Variants in NFATC3 observed in about 807,000 individuals in gnomAD.
NFATC3 encodes the protein nuclear factor of activated T-cells, cytoplasmic 3.
In NFATC3, 46 loss-of-function variants were observed where a neutral mutation model predicts 98.6. The ratio of observed to expected loss-of-function variants is 0.47; its 90% CI spans 0.37 to 0.60. The LOEUF is 0.60. Ranked by LOEUF, NFATC3 falls within the 20% of genes least tolerant of loss-of-function variation. NFATC3 has a pLI of 0.00. For synonymous variants in NFATC3, 512 were observed against 472.2 expected (o/e 1.08, Z -1.09); for missense variants, 1,256 against 1,295.5 (o/e 0.97, Z 0.47).
intron 8 of NFATC3, among the ~76,000 whole-genome samples, chr16:68,185,756 G>A (rs1276110680): frequency 5.9e-5 from 9 of 151,682 alleles, no homozygotes; most frequent in African/African-American, 1.2e-4. Flanking sequence ...CTAGCTACTC[G>A]GGAGGCTGAG....
At chr16:68,148,116 A>G (rs1016452900) in intron 3 of NFATC3, among the ~76,000 whole-genome samples, 1 of 152,042 alleles carries the variant, frequency 6.6e-6, no homozygotes, top group Admixed American at 6.6e-5. Context: ...CCTGGGTTCA[A>G]GCGATTCTCC....
chr16:68,097,988 T>C (rs1002019560), intron 1 of NFATC3, among the ~76,000 whole-genome samples: 2 of 152,124 alleles, frequency 1.3e-5, no homozygotes, highest in African/African-American at 4.8e-5. Flanking sequence ...GCTGACTTCT[T>C]GTCATTGCTA....
intron 3 of NFATC3, among the ~76,000 whole-genome samples, chr16:68,152,909 A>C (rs59919561): frequency 6.6e-6 from 1 of 152,224 alleles, no homozygotes. Flanking sequence ...ATCACTTCAC[A>C]CTACCGCTCA....
chr16:68,150,768 G>C (rs746834644), intron 3 of NFATC3, among the ~76,000 whole-genome samples: 40 of 152,208 alleles, frequency 2.6e-4, no homozygotes, highest in South Asian at 1.2e-3. Context: ...GGAGAGGCCA[G>C]ATGGGGGTAA....
chr16:68,085,826 C>T (rs1404927802), intron 1 of NFATC3, 42 bp downstream of exon 1: 1 of 1,353,954 alleles, frequency 7.4e-7, no homozygotes, highest in Non-Finnish European at 9.6e-7. Flanking sequence ...GACCCCGCTT[C>T]TCGCTCGCAG....
At position 68,174,412 on chromosome 16, in the gene NFATC3, T is replaced by C. The variant is rs761370635; in HGVS notation, c.1813T>C (p.Tyr605His). The change falls in exon 6 of 10, where the codon TAC (tyrosine) becomes CAC (histidine). Residue 605 changes from tyrosine to histidine, a missense_variant. Coordinates refer to ENST00000346183, the MANE Select transcript of NFATC3 (RefSeq NM_173165.3). ...TCAAGAACTTCCTCATATTGAGAAG[T>C]ACAGTATCAACAGTTGTTCTGTAAA... The part of the protein sequence containing the change: ...SAQELPHIEK[Y>H]SINSCSVNGG... The C allele has an allele frequency of 8.1e-6, 13 of 1,595,780 alleles. No homozygotes were observed. Among genetic ancestry groups the C allele is most frequent in the Non-Finnish European group, 1.1e-5 (13 of 1,171,620 alleles).
chr16:68,221,095 A>C, intron 9 of NFATC3: 1 of 1,320,720 alleles, frequency 7.6e-7, no homozygotes, highest in Non-Finnish European at 1.1e-6. Context: ...TATCCATTCA[A>C]GATGACTTGA....
At chr16:68,102,614 G>T (rs2035436056) in intron 1 of NFATC3, among the ~76,000 whole-genome samples, 1 of 151,922 alleles carries the variant, frequency 6.6e-6, no homozygotes, top group Non-Finnish European at 1.5e-5. Context: ...TGTCCTTTGT[G>T]TTCTGATTTT....
intron 9 of NFATC3, among the ~76,000 whole-genome samples, chr16:68,208,788 A>G (rs1256692256): frequency 6.6e-6 from 1 of 151,436 alleles, no homozygotes; most frequent in Non-Finnish European, 1.5e-5. Context: ...CTTTCATTCC[A>G]AGTATATAGA....
At chr16:68,183,445 A>G (rs2040029111) in intron 8 of NFATC3, 79 bp downstream of exon 8, 3 of 1,520,822 alleles carry the variant, frequency 2.0e-6, no homozygotes, top group East Asian at 2.3e-5. Flanking sequence ...CCTATATTAC[A>G]GTGTTTAAGG....
chr16:68,161,642 C>A (rs1432200270), intron 4 of NFATC3, among the ~76,000 whole-genome samples: 4 of 152,180 alleles, frequency 2.6e-5, no homozygotes, highest in Non-Finnish European at 4.4e-5. Flanking sequence ...TTTGCCTTGG[C>A]TTCCAGAACT....
At chr16:68,126,692 A>G in intron 3 of NFATC3, 82 bp downstream of exon 3, 12 of 1,381,300 alleles carry the variant, frequency 8.7e-6, no homozygotes, top group Admixed American at 2.1e-5. Context: ...GGTACTAGAG[A>G]GTGCAAAGAG....
intron 3 of NFATC3, among the ~76,000 whole-genome samples, chr16:68,135,444 C>T (rs1366897665): frequency 5.4e-5 from 6 of 111,836 alleles, no homozygotes; most frequent in South Asian, 5.9e-4. Context: ...GGGGACACAG[C>T]GAGACTCCGT....
chr16:68,112,109 C>G (rs1457784359), intron 1 of NFATC3, among the ~76,000 whole-genome samples: 1 of 151,974 alleles, frequency 6.6e-6, no homozygotes, highest in East Asian at 1.9e-4. Flanking sequence ...TTGATCTTCT[C>G]ATGGAGTATC....
chr16:68,190,316 G>C (rs1013105842), intron 8 of NFATC3, among the ~76,000 whole-genome samples: 11 of 152,180 alleles, frequency 7.2e-5, no homozygotes, highest in Admixed American at 2.0e-4. Context: ...AAAACCAGAT[G>C]ACTTGGTAGG....
At chr16:68,145,309 A>AT in intron 3 of NFATC3, among the ~76,000 whole-genome samples, 1 of 151,378 alleles carries the variant, frequency 6.6e-6, no homozygotes, top group Non-Finnish European at 1.5e-5. Context: ...ATGCCCAGCT[A>AT]TTTTTATGTT....
chr16:68,152,556 G>T (rs2038395226), intron 3 of NFATC3, among the ~76,000 whole-genome samples: 1 of 152,082 alleles, frequency 6.6e-6, no homozygotes, highest in Non-Finnish European at 1.5e-5. Flanking sequence ...TGTCACCCAG[G>T]CTGGAGTGTA....
chr16:68,189,911 CATG>C (rs1199775195), intron 8 of NFATC3, among the ~76,000 whole-genome samples: 1 of 152,098 alleles, frequency 6.6e-6, no homozygotes, highest in Admixed American at 6.6e-5. Flanking sequence ...AAAAAATAAA[CATG>C]AGCATGGTGG....
chr16:68,100,792 G>A (rs1488572973), intron 1 of NFATC3, among the ~76,000 whole-genome samples: 1 of 151,500 alleles, frequency 6.6e-6, no homozygotes, highest in Non-Finnish European at 1.5e-5. Flanking sequence ...TGTTTTATGT[G>A]ATTTTTGCCA....
Sources: gnomAD v4.1 joint callset for allele counts (sites outside exome capture counted in the v4.1 genomes callset) on GRCh38, gnomAD v4.1.1 for gene constraint, MANE v1.5 for transcripts, NCBI Gene and HGNC (gene_info 2026-07-23, HGNC 2026-07-21) for gene names.